The following BBS9 variants were observed in gnomAD, a reference collection of about 807,000 sequenced individuals.
BBS9 encodes the protein Bardet-Biedl syndrome 9.
Under a neutral mutation model 117.7 loss-of-function variants are expected in BBS9, and 89 were observed. The ratio of observed to expected loss-of-function variants is 0.76; its 90% CI spans 0.64 to 0.90. The LOEUF (loss-of-function observed/expected upper bound fraction) is 0.90, where lower values mean the gene tolerates loss of function less well. BBS9 is among the 40% of genes least tolerant of loss of function. The pLI, the probability that BBS9 is intolerant of heterozygous loss-of-function variation, is 0.00. For missense variants in BBS9, 982 were observed against 1,042.2 expected (o/e 0.94, Z 0.80); for synonymous variants, 379 against 370.9 (o/e 1.02, Z -0.25).
chr7:33,605,047 T>C lies in BBS9; in HGVS notation c.2632+72T>C, dbSNP rs768881547. On this transcript the variant is annotated intron_variant, in intron 22 of 22. Transcript: ENST00000242067. ...GTGACAATCTGGTCAGTTTTTGTCA[T>C]ACCAGAGAGCATTCCGCAAAGCTGC... is the stretch of plus-strand genomic sequence containing the variant. The C allele has an allele frequency of 6.1e-6, 9 of 1,482,506 alleles. No individual in the cohort carries two copies. The South Asian group carries it at 7.9e-5, about 13-fold the overall frequency. The allele number at this position is 1,482,506 out of a possible 1,614,324, so 91.8% of individuals were successfully genotyped here.
At chr7:33,142,861 T>A (rs1791715893) in intron 1 of BBS9, among the ~76,000 whole-genome samples, 1 of 152,244 alleles carries the variant, frequency 6.6e-6, no homozygotes, top group Non-Finnish European at 1.5e-5. Flanking sequence ...TCTTGGTTAT[T>A]GTGAATTATG....
rs144730379 is a variant in BBS9, at chr7:33,164,945, G to A, written c.328+9243G>A. Among the ~76,000 whole-genome samples, 2,768 of 152,200 alleles carry A rather than the reference G, an allele frequency of 0.018. 234 individuals carry two copies. The East Asian group carries it at 0.28, about 15-fold the overall frequency. On this transcript the variant is annotated intron_variant, in intron 4 of 22. Transcript: ENST00000242067. ...GCATCGATGGTCTTTACAATTTGGC[G>A]TGTTTTTGCGGTGGCTGATACCGGT... is the stretch of plus-strand genomic sequence containing the variant.
At chr7:33,133,803 C>T (rs1369489903) in intron 1 of BBS9, among the ~76,000 whole-genome samples, 2 of 152,046 alleles carry the variant, frequency 1.3e-5, no homozygotes, top group East Asian at 1.9e-4. Flanking sequence ...TTTTCATTGC[C>T]CTTGGATAGA....
chr7:33,430,884 G>T (rs1834340688), intron 19 of BBS9, among the ~76,000 whole-genome samples: 1 of 152,122 alleles, frequency 6.6e-6, no homozygotes, highest in Admixed American at 6.5e-5. Context: ...TGAGGGAGAA[G>T]AGAAAGATTT....
At chr7:33,414,039 C>G (rs566137283) in intron 19 of BBS9, among the ~76,000 whole-genome samples, 69 of 151,888 alleles carry the variant, frequency 4.5e-4, no homozygotes, top group Non-Finnish European at 7.7e-4. Flanking sequence ...CAAAACAAAA[C>G]AAAACAAAAA....
chr7:33,477,294 G>A (rs192922312), intron 19 of BBS9, among the ~76,000 whole-genome samples: 347 of 152,220 alleles, frequency 2.3e-3, no homozygotes, highest in Non-Finnish European at 3.6e-3. Flanking sequence ...AACTGATTGA[G>A]CCAGGCAGTC....
At chr7:33,398,930 G>C (rs1422637265) in intron 19 of BBS9, among the ~76,000 whole-genome samples, 1 of 152,080 alleles carries the variant, frequency 6.6e-6, no homozygotes, top group African/African-American at 2.4e-5. Context: ...CATCCGCCTT[G>C]GCCTCCCAAA....
At chr7:33,268,111 G>C (rs957761818) in intron 7 of BBS9, among the ~76,000 whole-genome samples, 1 of 152,144 alleles carries the variant, frequency 6.6e-6, no homozygotes, top group Non-Finnish European at 1.5e-5. Flanking sequence ...AGAATTATGA[G>C]GTTTTGCAGC....
intron 17 of BBS9, 67 bp downstream of exon 17, chr7:33,367,929 C>A: frequency 8.1e-7 from 1 of 1,228,022 alleles, no homozygotes; most frequent in Non-Finnish European, 1.2e-6. Context: ...ACAGAGGATA[C>A]TCACATCAAT....
chr7:33,526,383 C>T (rs1180716106), intron 20 of BBS9, among the ~76,000 whole-genome samples: 13 of 152,346 alleles, frequency 8.5e-5, no homozygotes, highest in South Asian at 2.1e-4. Flanking sequence ...CTTTCAGATA[C>T]ACCAATCAGA....
chr7:33,199,089 A>G (rs1785407501), intron 5 of BBS9, among the ~76,000 whole-genome samples: 1 of 151,960 alleles, frequency 6.6e-6, no homozygotes, highest in Admixed American at 6.6e-5. Context: ...AACCCAATCA[A>G]TGGTTCTTTT....
chr7:33,318,884 G>C (rs1811095298), intron 9 of BBS9, among the ~76,000 whole-genome samples: 1 of 152,136 alleles, frequency 6.6e-6, no homozygotes, highest in Non-Finnish European at 1.5e-5. Flanking sequence ...AGTCTCGAGA[G>C]CTGGGCACAG....
chr7:33,294,339 A>C (rs1203721252), intron 9 of BBS9, among the ~76,000 whole-genome samples: 101 of 119,184 alleles, frequency 8.5e-4, no homozygotes, highest in African/African-American at 2.7e-3. Context: ...CTATCTATCT[A>C]TCTATCTATC....
At chr7:33,336,702 T>A in intron 10 of BBS9, 80 bp downstream of exon 10, 1 of 1,058,218 alleles carries the variant, frequency 9.4e-7, no homozygotes, top group South Asian at 1.4e-5. Context: ...TTATTTTGTG[T>A]ATTTGTTAAT....
chr7:33,600,041 G>T (rs954878311), intron 21 of BBS9, among the ~76,000 whole-genome samples: 2 of 152,196 alleles, frequency 1.3e-5, no homozygotes, highest in South Asian at 4.1e-4. Flanking sequence ...GAGTTTGCTG[G>T]TATTTGAACC....
Position 33,284,805 on chromosome 7 carries a change from A to G in BBS9, c.1016+10849A>G, listed in dbSNP as rs567190731. Reference sequence around the variant, plus strand: ...CATATCAGTTTTGAGAAACCACGGCACTGGTTTTGGTCTTTTCTATGTCTA... The same window carrying G: ...CATATCAGTTTTGAGAAACCACGGCGCTGGTTTTGGTCTTTTCTATGTCTA... On this transcript the variant is annotated intron_variant, in intron 9 of 22. Coordinates refer to ENST00000242067, the MANE Select transcript of BBS9 (RefSeq NM_198428.3). 9.9e-5 allele frequency among the ~76,000 whole-genome samples: 15 copies of G among 152,148 alleles called. 1 individual carries two copies. The East Asian group carries it at 2.7e-3, about 27-fold the overall frequency.
intron 5 of BBS9, among the ~76,000 whole-genome samples, chr7:33,184,340 C>G (rs1450720801): frequency 4.6e-5 from 7 of 152,278 alleles, no homozygotes; most frequent in South Asian, 2.1e-4. Context: ...GTCCGGTGAT[C>G]CTGTACATGC....
At chr7:33,473,631 T>G (rs1841402460) in intron 19 of BBS9, among the ~76,000 whole-genome samples, 1 of 152,138 alleles carries the variant, frequency 6.6e-6, no homozygotes, top group Non-Finnish European at 1.5e-5. Context: ...AGCCAACATT[T>G]TAATAAATAC....
At chr7:33,632,749 A>G (rs1203099074) in intron 21 of BBS9, among the ~76,000 whole-genome samples, 1 of 152,092 alleles carries the variant, frequency 6.6e-6, no homozygotes, top group African/African-American at 2.4e-5. Context: ...GTTGGCTTTA[A>G]TGTACATAGC....
Sources: gnomAD v4.1 joint callset for allele counts (sites outside exome capture counted in the v4.1 genomes callset) on GRCh38, gnomAD v4.1.1 for gene constraint, MANE v1.5 for transcripts, NCBI Gene and HGNC (gene_info 2026-07-23, HGNC 2026-07-21) for gene names.